TCF7L2: variants seen among roughly 807,000 people sequenced by gnomAD.
The protein encoded by TCF7L2 is transcription factor 7-like 2.
Under a neutral mutation model 77.9 loss-of-function variants are expected in TCF7L2, and 23 were observed. The observed-to-expected ratio is 0.30, with a 90% confidence interval of 0.21 to 0.42. The LOEUF (loss-of-function observed/expected upper bound fraction) is 0.42. TCF7L2 is among the 10% of genes least tolerant of loss of function. The pLI is 1.00. For synonymous variants in TCF7L2, 413 were observed against 340.2 expected (o/e 1.21, Z -2.36); for missense variants, 654 against 793.1 (o/e 0.82, Z 2.11).
chr10:113,165,802 G>T lies in TCF7L2; in HGVS notation c.1639G>T (p.Ala547Ser), dbSNP rs1188336447. 1 of 1,603,392 alleles carries T rather than the reference G, an allele frequency of 6.2e-7. No individual in the cohort carries two copies. The highest frequency in any genetic ancestry group is 8.5e-7 in the Non-Finnish European group (1 of 1,173,988). Residue 547 changes from alanine to serine, a missense_variant, in exon 14 of 14, where the codon GCC (alanine) becomes TCC (serine). By Grantham distance (99) the Ala-to-Ser change is moderately conservative. Coordinates refer to ENST00000627217, the MANE Select transcript of TCF7L2 (RefSeq NM_001146274.2). ...CCTGCTCGCTGAGGCCACCCACAAG[G>T]CCTCCGCCCTCTGTCCCAACGGGGC... is the stretch of plus-strand genomic sequence containing the variant.
intron 4 of TCF7L2, among the ~76,000 whole-genome samples, chr10:112,980,511 G>C (rs1392534802): frequency 1.3e-5 from 2 of 152,136 alleles, no homozygotes; most frequent in East Asian, 1.9e-4. Flanking sequence ...TGTTCCGGGA[G>C]TCACGAAGTT....
At chr10:112,996,881 G>A (rs555470415) in intron 4 of TCF7L2, among the ~76,000 whole-genome samples, 1 of 152,338 alleles carries the variant, frequency 6.6e-6, no homozygotes, top group Admixed American at 6.5e-5. Context: ...TTCTGGGACT[G>A]CAGGGAGACT....
chr10:113,104,061 G>A (rs1408902751), intron 5 of TCF7L2, among the ~76,000 whole-genome samples: 4 of 152,178 alleles, frequency 2.6e-5, no homozygotes, highest in African/African-American at 9.7e-5. Context: ...AATTAGGATG[G>A]GCCAGGATCT....
intron 11 of TCF7L2, among the ~76,000 whole-genome samples, chr10:113,153,794 C>T (rs1424906155): frequency 6.6e-6 from 1 of 152,220 alleles, no homozygotes; most frequent in Non-Finnish European, 1.5e-5. Flanking sequence ...TAGCATCCGC[C>T]AGGAAATCGC....
At chr10:113,031,140 C>G (rs1184052310) in intron 4 of TCF7L2, among the ~76,000 whole-genome samples, 2 of 152,228 alleles carry the variant, frequency 1.3e-5, no homozygotes, top group East Asian at 3.8e-4. Flanking sequence ...CTGTGTATAA[C>G]TAAGTCACTT....
intron 4 of TCF7L2, among the ~76,000 whole-genome samples, chr10:113,028,431 T>C (rs988552923): frequency 1.3e-5 from 2 of 152,112 alleles, no homozygotes; most frequent in Non-Finnish European, 2.9e-5. Flanking sequence ...TTGGGCTTCC[T>C]GGGTGTAGCG....
At chr10:113,050,387 G>A (rs2134531372) in intron 5 of TCF7L2, among the ~76,000 whole-genome samples, 1 of 152,224 alleles carries the variant, frequency 6.6e-6, no homozygotes, top group East Asian at 1.9e-4. Flanking sequence ...CCAGAGGTGG[G>A]GGTGTTATCA....
At chr10:113,128,941 C>A (rs2066105671) in intron 5 of TCF7L2, among the ~76,000 whole-genome samples, 1 of 151,772 alleles carries the variant, frequency 6.6e-6, no homozygotes. Flanking sequence ...TCCCTTCCTT[C>A]TCTCTCTCTC....
At chr10:113,097,347 C>A (rs1224929737) in intron 5 of TCF7L2, among the ~76,000 whole-genome samples, 1 of 152,098 alleles carries the variant, frequency 6.6e-6, no homozygotes, top group African/African-American at 2.4e-5. Flanking sequence ...TTCCTCTTGC[C>A]AGTTGTAGAA....
chr10:113,080,494 A>G (rs1591439810), intron 5 of TCF7L2, among the ~76,000 whole-genome samples: 1 of 152,170 alleles, frequency 6.6e-6, no homozygotes, highest in East Asian at 1.9e-4. Flanking sequence ...TGGGGCTGGC[A>G]AGTCTTTTTT....
intron 5 of TCF7L2, among the ~76,000 whole-genome samples, chr10:113,134,907 T>C (rs1452108909): frequency 6.6e-6 from 1 of 152,210 alleles, no homozygotes; most frequent in Non-Finnish European, 1.5e-5. Context: ...TAAAGGCACT[T>C]TCTGGCCCCA....
intron 5 of TCF7L2, among the ~76,000 whole-genome samples, chr10:113,112,580 C>T (rs562502507): frequency 2.0e-5 from 3 of 152,334 alleles, no homozygotes; most frequent in Admixed American, 6.5e-5. Context: ...AGCAATTTCC[C>T]GTGCTTACTT....
At chr10:113,114,254 A>G (rs2063468794) in intron 5 of TCF7L2, among the ~76,000 whole-genome samples, 1 of 152,216 alleles carries the variant, frequency 6.6e-6, no homozygotes, top group African/African-American at 2.4e-5. Context: ...ATATTGGATG[A>G]ATATTCCTTT....
chr10:113,059,368 C>A (rs1157381480), intron 5 of TCF7L2, among the ~76,000 whole-genome samples: 3 of 150,878 alleles, frequency 2.0e-5, no homozygotes, highest in Middle Eastern at 6.8e-3. Context: ...TTGGCAAAAC[C>A]ATGCAAACAT....
At chr10:113,012,372 C>A (rs762706849) in intron 4 of TCF7L2, among the ~76,000 whole-genome samples, 1 of 152,030 alleles carries the variant, frequency 6.6e-6, no homozygotes, top group Non-Finnish European at 1.5e-5. Context: ...GAGAAACCAT[C>A]GGGATAGTGT....
In TCF7L2 at chr10:113,151,266, C is replaced by T. The variant is rs981509048; in HGVS notation, c.1001+143C>T. The stretch of plus-strand genomic sequence containing the variant: ...ATACCCAGCCTGTGTGGGCTCTTCA[C>T]TCCCTTACAAAGAGAGAGAGAGTGC... On this transcript the variant is annotated intron_variant, in intron 9 of 13. Transcript: ENST00000627217. This position sits in a 1 kb window ranked among gnomAD's most constrained non-coding sequence, Gnocchi z 5.2. 9.0e-7 allele frequency: 1 copy of T among 1,106,258 alleles called. No individual in the cohort carries two copies. Among genetic ancestry groups the T allele is most frequent in the Non-Finnish European group, 1.3e-6 (1 of 765,252 alleles). 68.5% of individuals were successfully genotyped at this position (1,106,258 alleles called of 1,614,324 possible).
intron 4 of TCF7L2, among the ~76,000 whole-genome samples, chr10:112,970,204 G>A (rs577015669): frequency 7.2e-5 from 11 of 152,204 alleles, no homozygotes; most frequent in Admixed American, 2.0e-4. Flanking sequence ...GCGCTTGTGC[G>A]TCCACACAAA....
intron 5 of TCF7L2, among the ~76,000 whole-genome samples, chr10:113,134,442 G>A (rs1328983528): frequency 6.6e-6 from 1 of 152,198 alleles, no homozygotes; most frequent in African/African-American, 2.4e-5. Flanking sequence ...AGCAGAAATA[G>A]TTGCTAACTG....
At chr10:112,954,823 A>C (rs1449230178) in intron 3 of TCF7L2, among the ~76,000 whole-genome samples, 1 of 152,188 alleles carries the variant, frequency 6.6e-6, no homozygotes, top group African/African-American at 2.4e-5. Flanking sequence ...CTCTTATCCA[A>C]AGTTATTTGC....
Sources: allele counts gnomAD v4.1 joint callset (sites outside exome capture counted in the v4.1 genomes callset), GRCh38; gene constraint gnomAD v4.1.1; non-coding constraint Gnocchi (gnomAD v3.1); transcripts MANE v1.5; gene names NCBI Gene and HGNC (gene_info 2026-07-23, HGNC 2026-07-21).